Variants in L3MBTL4 observed in about 807,000 individuals in gnomAD.
The protein encoded by L3MBTL4 is lethal(3)malignant brain tumor-like protein 4.
A neutral mutation model predicts 84.5 loss-of-function variants in L3MBTL4; 70 were observed. The ratio of observed to expected loss-of-function variants is 0.83; its 90% CI spans 0.68 to 1.01. The LOEUF (loss-of-function observed/expected upper bound fraction) is 1.01, where lower values mean the gene tolerates loss of function less well. Among genes scored for constraint, L3MBTL4 ranks in the 50% least tolerant of loss-of-function variants. The pLI is 0.00. For missense variants in L3MBTL4, 715 were observed against 754.8 expected, an observed-to-expected ratio of 0.95 and a Z score of 0.62; for synonymous variants, 274 against 259.8, an observed-to-expected ratio of 1.05 and a Z score of -0.52.
chr18:6,191,675 G>C (rs2045099548), intron 12 of L3MBTL4, among the ~76,000 whole-genome samples: 1 of 152,122 alleles, frequency 6.6e-6, no homozygotes, highest in South Asian at 2.1e-4. Context: ...CCAGTGACGA[G>C]CCCCAGTGCA....
chr18:6,327,483 T>C (rs992752976), intron 1 of L3MBTL4, among the ~76,000 whole-genome samples: 1 of 152,156 alleles, frequency 6.6e-6, no homozygotes, highest in Non-Finnish European at 1.5e-5. Flanking sequence ...ATAAAATATA[T>C]TTGAACCAAG....
In L3MBTL4 at chr18:6,270,084, A is replaced by G. The variant is rs576135787; in HGVS notation, c.128-6046T>C. On this transcript the variant is annotated intron_variant, in intron 4 of 18. Coordinates refer to ENST00000317931, the MANE Select transcript of L3MBTL4 (RefSeq NM_001330559.2). ...CAGGAAATGCCTTAGAATATGTGAGAAACAACTGTCAGTGGCAACCAACCA... is the reference window on the plus strand; with the variant it reads ...CAGGAAATGCCTTAGAATATGTGAGGAACAACTGTCAGTGGCAACCAACCA... Among the ~76,000 whole-genome samples, 3 of 152,338 alleles carry G rather than the reference A, an allele frequency of 2.0e-5. No homozygotes were observed. The South Asian group carries it at 6.2e-4, about 32-fold the overall frequency.
At chr18:6,128,792 G>A (rs73380092) in intron 14 of L3MBTL4, among the ~76,000 whole-genome samples, 2,105 of 152,162 alleles carry the variant, frequency 0.014, 50 homozygotes, top group African/African-American at 0.048. Flanking sequence ...GGGAGATAAA[G>A]GGAATTCCAA....
At chr18:6,113,247 G>A (rs2059249090) in intron 14 of L3MBTL4, among the ~76,000 whole-genome samples, 1 of 152,038 alleles carries the variant, frequency 6.6e-6, no homozygotes, top group Non-Finnish European at 1.5e-5. Flanking sequence ...TTCATGTTTT[G>A]TAGGCAACTA....
chr18:6,270,654 G>A (rs1049024862), intron 4 of L3MBTL4, among the ~76,000 whole-genome samples: 1 of 152,168 alleles, frequency 6.6e-6, no homozygotes, highest in Non-Finnish European at 1.5e-5. Context: ...GAAGCAGCAT[G>A]GGCAAAGCCA....
chr18:6,045,519 A>G (rs2056577796), intron 16 of L3MBTL4, among the ~76,000 whole-genome samples: 1 of 152,176 alleles, frequency 6.6e-6, no homozygotes. Flanking sequence ...GGCAAGGAGG[A>G]GCAAGTCACA....
At chr18:6,401,372 T>C (rs190363864) in intron 1 of L3MBTL4, among the ~76,000 whole-genome samples, 13 of 152,282 alleles carry the variant, frequency 8.5e-5, no homozygotes, top group Admixed American at 4.6e-4. Flanking sequence ...TCAAAAACCA[T>C]TAAAATATTA....
chr18:6,021,942 G>A (rs538823236), intron 16 of L3MBTL4, among the ~76,000 whole-genome samples: 2 of 152,308 alleles, frequency 1.3e-5, no homozygotes, highest in South Asian at 4.1e-4. Flanking sequence ...CAGTGTGGTA[G>A]TGGTGATGCT....
In L3MBTL4 at chr18:6,243,379, A is replaced by G. The variant is rs1568369874; in HGVS notation, c.375T>C (p.Tyr125=). The change falls in exon 7 of 19, where the codon TAT becomes TAC. Residue 125 remains tyrosine (Y), a synonymous_variant. Coordinates refer to ENST00000317931, the MANE Select transcript of L3MBTL4 (RefSeq NM_001330559.2). Reference sequence around the variant, plus strand: ...GGGAACCAGCATTGGTCCAAAAATCATAGCAACTTAAATAACCATCAAAAT... The same window carrying G: ...GGGAACCAGCATTGGTCCAAAAATCGTAGCAACTTAAATAACCATCAAAAT... The part of the protein sequence containing the change: ...RLHFDGYLSC[Y]DFWTNAGSPD... 3.1e-6 allele frequency: 5 copies of G among 1,608,032 alleles called. No homozygotes were observed. The highest frequency in any genetic ancestry group is 4.2e-6 in the Non-Finnish European group (5 of 1,177,356).
chr18:6,354,271 C>T (rs550802376), intron 1 of L3MBTL4, among the ~76,000 whole-genome samples: 2 of 152,076 alleles, frequency 1.3e-5, no homozygotes, highest in Non-Finnish European at 2.9e-5. Context: ...TCACCACATA[C>T]AAAAATCACA....
chr18:6,121,007 A>G (rs1254941924), intron 14 of L3MBTL4, among the ~76,000 whole-genome samples: 1 of 152,122 alleles, frequency 6.6e-6, no homozygotes, highest in African/African-American at 2.4e-5. Flanking sequence ...TATTTCTTGA[A>G]GTTATTTTTG....
intron 16 of L3MBTL4, among the ~76,000 whole-genome samples, chr18:5,977,850 C>T (rs936351596): frequency 5.3e-5 from 8 of 152,158 alleles, no homozygotes; most frequent in South Asian, 2.1e-4. Flanking sequence ...TGGCATCCCT[C>T]AGCCCAGGAG....
intron 12 of L3MBTL4, among the ~76,000 whole-genome samples, chr18:6,191,977 G>A (rs141260233): frequency 1.9e-4 from 28 of 150,220 alleles, no homozygotes; most frequent in African/African-American, 5.7e-4. Flanking sequence ...GTGATAGAGC[G>A]AGTATCCCTG....
rs191772509 is a variant in L3MBTL4 at position 6,389,529 on chromosome 18, A to C, written c.-91+25272T>G. Among the ~76,000 whole-genome samples, 17 of 152,328 alleles carry C rather than the reference A, an allele frequency of 1.1e-4. No individual in the cohort carries two copies. The East Asian group carries it at 3.3e-3, about 29-fold the overall frequency. On this transcript the variant is annotated intron_variant, in intron 1 of 18. Transcript: ENST00000317931. ...GCAGAATGCTTAAAAAAAAATCACA[A>C]ACCAAATATCTGCTGTCTTTAAGAG...
intron 1 of L3MBTL4, among the ~76,000 whole-genome samples, chr18:6,330,526 T>C (rs1248739316): frequency 3.3e-5 from 5 of 152,364 alleles, no homozygotes; most frequent in Middle Eastern, 6.8e-3. Flanking sequence ...CTCTTCCACA[T>C]TTAAAGGAAC....
rs1256820773 is a variant in L3MBTL4, at chr18:6,277,287, TA to T, written c.128-13250del. ...ATGTACCCTAAAACTTAAAGTATAA[TA>T]AAAAAATATTCTTATAAAACATTTT... On this transcript the variant is annotated intron_variant, in intron 4 of 18. Transcript: ENST00000317931. 8.5e-5 allele frequency among the ~76,000 whole-genome samples: 13 copies of T among 152,114 alleles called. No homozygotes were observed. In the East Asian group the frequency reaches 1.3e-3, roughly 16 times the overall value.
chr18:5,997,981 CCT>C (rs1023312249), intron 16 of L3MBTL4, among the ~76,000 whole-genome samples: 2 of 152,174 alleles, frequency 1.3e-5, no homozygotes, highest in Admixed American at 6.5e-5. Context: ...AGAGATTTTT[CCT>C]TAGTTGTGTT....
chr18:6,208,560 T>G (rs1313077467), intron 12 of L3MBTL4, among the ~76,000 whole-genome samples: 2 of 152,230 alleles, frequency 1.3e-5, no homozygotes, highest in Non-Finnish European at 2.9e-5. Context: ...CAAATATTTA[T>G]CAAATGTTAC....
intron 3 of L3MBTL4, among the ~76,000 whole-genome samples, chr18:6,305,518 C>G (rs2146879262): frequency 6.6e-6 from 1 of 152,258 alleles, no homozygotes. Context: ...TCCTTGCAGA[C>G]AGACCACTAA....
Sources: gnomAD v4.1 joint callset for allele counts (sites outside exome capture counted in the v4.1 genomes callset) on GRCh38, gnomAD v4.1.1 for gene constraint, MANE v1.5 for transcripts, NCBI Gene and HGNC (gene_info 2026-07-23, HGNC 2026-07-21) for gene names.